MANSC1: variants seen among roughly 807,000 people sequenced by gnomAD.
MANSC1 encodes the protein MANSC domain-containing protein 1.
In MANSC1, 13 loss-of-function variants were observed where a neutral mutation model predicts 14.1. The observed-to-expected ratio is 0.92, with a 90% CI of 0.60 to 1.46. The LOEUF (loss-of-function observed/expected upper bound fraction) is 1.46. Ranked by LOEUF, MANSC1 falls within the 40% of genes most tolerant of loss-of-function variation. The pLI, the probability that MANSC1 is intolerant of heterozygous loss-of-function variation, is 0.00. For missense variants in MANSC1, 486 were observed against 511.4 expected, an observed-to-expected ratio of 0.95 and a Z score of 0.48; for synonymous variants, 227 against 200.7, an observed-to-expected ratio of 1.13 and a Z score of -1.11.
Position 12,330,125 on chromosome 12 carries a change from C to G in MANSC1, c.1198G>C (p.Gly400Arg), listed in dbSNP as rs1361743123. Residue 400 changes from glycine (G) to arginine (R), a missense_variant, in exon 4 of 4, where the codon GGC becomes CGC. Coordinates refer to ENST00000535902, the MANE Select transcript of MANSC1 (RefSeq NM_018050.4). ...LLFGVLFLVI[G>R]LVLLGRILSE... is the part of the protein sequence containing the mutation. The stretch of plus-strand genomic sequence containing the variant: ...AGGATTCTACCCAGGAGGACGAGGC[C>G]TATCACCAGGAACAGGACACCAAAG... 6.2e-7 allele frequency: 1 copy of G among 1,614,012 alleles called. No homozygotes were observed. The highest frequency in any genetic ancestry group is 8.5e-7 in the Non-Finnish European group (1 of 1,180,032).
At position 12,330,693 on chromosome 12, in the gene MANSC1, G is replaced by A; in HGVS notation, c.630C>T (p.Ser210=). 1 of 1,614,216 alleles carries A rather than the reference G, an allele frequency of 6.2e-7. No homozygotes were observed. Among genetic ancestry groups the A allele is most frequent in the South Asian group, 1.1e-5 (1 of 91,090 alleles). Residue 210 remains serine (S), a synonymous_variant, in exon 4 of 4, where the codon TCC becomes TCT. Coordinates refer to ENST00000535902, the MANE Select transcript of MANSC1 (RefSeq NM_018050.4). ...EKGHSQSSQF[S]SDQEIAHLLP... ...GCAGATGAGCTATTTCTTGATCAGA[G>A]GAAAATTGTGAACTCTGAGAATGGC...
At chr12:12,338,890 A>AACAAACACACACAC (rs1555141159) in intron 2 of MANSC1, 1 of 191,076 alleles carries the variant, frequency 5.2e-6, no homozygotes, top group Non-Finnish European at 1.1e-5. Flanking sequence ...CACACACACA[A>AACAAACACACACAC]ACACACACAC....
intron 1 of MANSC1, among the ~76,000 whole-genome samples, chr12:12,349,463 T>C (rs1247588564): frequency 6.6e-6 from 1 of 152,200 alleles, no homozygotes; most frequent in East Asian, 1.9e-4. Flanking sequence ...TCAGCAATAT[T>C]AGGTTAGCGA....
At position 12,326,638 on chromosome 12, in the gene MANSC1, T is replaced by C. The variant is rs1862708299; in HGVS notation, c.*3389A>G. 1.3e-5 allele frequency: 2 copies of C among 151,162 alleles called. No homozygotes were observed. The highest frequency in any genetic ancestry group is 6.6e-5 in the Admixed American group (1 of 15,138). 9.4% of individuals were successfully genotyped at this position (151,162 alleles called of 1,614,324 possible). ...TGTTGTTGTTGTTTTGTTTTTTTTTTTGAGATGGGCTCTCGTTCTGTCGCC... is the reference window on the plus strand; with the variant it reads ...TGTTGTTGTTGTTTTGTTTTTTTTTCTGAGATGGGCTCTCGTTCTGTCGCC... On this transcript the variant is annotated 3_prime_UTR_variant, in exon 4 of 4. Coordinates refer to ENST00000535902, the MANE Select transcript of MANSC1 (RefSeq NM_018050.4).
intron 1 of MANSC1, among the ~76,000 whole-genome samples, chr12:12,345,109 C>G (rs974008073): frequency 6.7e-6 from 1 of 149,336 alleles, no homozygotes; most frequent in African/African-American, 2.5e-5. Flanking sequence ...CACCTGAGGT[C>G]AGGAGTTCGA....
Position 12,343,308 on chromosome 12 carries a change from A to G in MANSC1, c.7T>C (p.Phe3Leu), listed in dbSNP as rs1476639308. 1 of 1,612,838 alleles carries G rather than the reference A, an allele frequency of 6.2e-7. No homozygotes were observed. Among genetic ancestry groups the G allele is most frequent in the East Asian group, 2.2e-5 (1 of 44,868 alleles). Residue 3 changes from phenylalanine to leucine, a missense_variant, in exon 2 of 4, where the codon TTC (phenylalanine) becomes CTC (leucine). Phe to Leu is a conservative substitution (Grantham distance 22, BLOSUM62 0). Coordinates refer to ENST00000535902, the MANE Select transcript of MANSC1 (RefSeq NM_018050.4). MFFGGEGSLTYTL... is the reference protein window; with the variant it reads MFLGGEGSLTYTL... ...TAAGTCAAGCTCCCTTCTCCCCCGAAGAACATTTTAAATTTCAGTTTAGTT... is the reference window on the plus strand; with the variant it reads ...TAAGTCAAGCTCCCTTCTCCCCCGAGGAACATTTTAAATTTCAGTTTAGTT...
chr12:12,333,059 A>ATATATATATATTTTTT (rs536426090), intron 3 of MANSC1, among the ~76,000 whole-genome samples: 36 of 150,922 alleles, frequency 2.4e-4, no homozygotes, highest in African/African-American at 8.0e-4. Context: ...ATATATATAT[A>ATATATATATATTTTTT]TTTTTGAGAC....
At chr12:12,336,565 C>T (rs1251475086) in intron 3 of MANSC1, among the ~76,000 whole-genome samples, 4 of 152,006 alleles carry the variant, frequency 2.6e-5, no homozygotes, top group African/African-American at 9.7e-5. Flanking sequence ...CTCACTTTGT[C>T]ACCCAGGCTA....
Position 12,326,855 on chromosome 12 carries a change from G to C in MANSC1, c.*3172C>G, listed in dbSNP as rs553164081. 2 of 152,104 alleles carry C rather than the reference G, an allele frequency of 1.3e-5. No homozygotes were observed. The highest frequency in any genetic ancestry group is 1.3e-4 in the Admixed American group (2 of 15,248). 9.4% of individuals were successfully genotyped at this position (152,104 alleles called of 1,614,324 possible). On this transcript the variant is annotated 3_prime_UTR_variant, in exon 4 of 4. Coordinates refer to ENST00000535902, the MANE Select transcript of MANSC1 (RefSeq NM_018050.4). ...AGATAGAGTCTTGCTCTGTCGCCTA[G>C]GCTGGAGTGCAATGGAGCGATCTTG...
intron 1 of MANSC1, 36 bp from the exon 2 acceptor site, chr12:12,343,450 T>C (rs573924505): frequency 3.2e-5 from 19 of 600,574 alleles, no homozygotes; most frequent in African/African-American, 1.8e-4. Context: ...ATGAGTTTTG[T>C]TTCTTTAACA....
At position 12,330,590 on chromosome 12, in the gene MANSC1, C is replaced by A. The variant is rs749545557; in HGVS notation, c.733G>T (p.Ala245Ser). ...GAAGCATTGGTGGGTAGAAGGGTGGCGGGCTTTGGAGTAGCCGAGGTGGTA... is the reference window on the plus strand; with the variant it reads ...GAAGCATTGGTGGGTAGAAGGGTGGAGGGCTTTGGAGTAGCCGAGGTGGTA... ...PHTTSATPKP[A>S]TLLPTNASVT... The change falls in exon 4 of 4, where the codon GCC (alanine) becomes TCC (serine). Residue 245 changes from alanine to serine, a missense_variant. By Grantham distance (99) the Ala-to-Ser change is moderately conservative (BLOSUM62 1). Coordinates refer to ENST00000535902, the MANE Select transcript of MANSC1 (RefSeq NM_018050.4). 6.2e-7 allele frequency: 1 copy of A among 1,614,122 alleles called. No homozygotes were observed. Among genetic ancestry groups the A allele is most frequent in the South Asian group, 1.1e-5 (1 of 91,086 alleles).
intron 1 of MANSC1, among the ~76,000 whole-genome samples, chr12:12,347,194 G>C (rs1301806875): frequency 6.6e-6 from 1 of 152,072 alleles, no homozygotes; most frequent in South Asian, 2.1e-4. Flanking sequence ...ACATAATGTA[G>C]AATCAGTGGG....
chr12:12,344,166 G>A (rs1481642535), intron 1 of MANSC1, among the ~76,000 whole-genome samples: 5 of 151,844 alleles, frequency 3.3e-5, no homozygotes, highest in African/African-American at 9.7e-5. Flanking sequence ...GGTAGACATT[G>A]TGCTAAGGAA....
intron 1 of MANSC1, among the ~76,000 whole-genome samples, chr12:12,349,083 A>C (rs1592039833): frequency 6.6e-6 from 1 of 152,366 alleles, no homozygotes; most frequent in East Asian, 1.9e-4. Context: ...GGCAATATTT[A>C]CAGGGGGCAA....
chr12:12,341,261 G>A (rs542780294), intron 2 of MANSC1, among the ~76,000 whole-genome samples: 1 of 152,296 alleles, frequency 6.6e-6, no homozygotes, highest in East Asian at 1.9e-4. Context: ...TACTATTACA[G>A]TTTATAATAA....
chr12:12,338,890 A>AACACACAAACACACACACACACACACAC (rs1862896795), intron 2 of MANSC1: 1 of 191,076 alleles, frequency 5.2e-6, no homozygotes, highest in African/African-American at 2.5e-5. Context: ...CACACACACA[A>AACACACAAACACACACACACACACACAC]ACACACACAC....
chr12:12,339,980 T>A (rs1862913403), intron 2 of MANSC1, among the ~76,000 whole-genome samples: 1 of 152,070 alleles, frequency 6.6e-6, no homozygotes, highest in African/African-American at 2.4e-5. Flanking sequence ...GCCTGGCTAA[T>A]TTTTTGTTTT....
At position 12,338,501 on chromosome 12, in the gene MANSC1, A is replaced by C. The variant is rs1366198294; in HGVS notation, c.283T>G (p.Cys95Gly). 2 of 1,613,610 alleles carry C rather than the reference A, an allele frequency of 1.2e-6. No homozygotes were observed. Among genetic ancestry groups the C allele is most frequent in the Non-Finnish European group, 1.7e-6 (2 of 1,179,850 alleles). Residue 95 changes from cysteine to glycine, a missense_variant, in exon 3 of 4, where the codon TGC becomes GGC. Cys to Gly is a radical substitution (Grantham distance 159). Transcript: ENST00000535902. ...DTRKTARQPN[C>G]YLFFCPNEEA... ...TCGTTGGGACAGAAAAATAGGTAGC[A>C]GTTGGGTTGTCTAGCTGTTTTTCGA... is the stretch of plus-strand genomic sequence containing the variant.
intron 1 of MANSC1, among the ~76,000 whole-genome samples, chr12:12,349,761 G>C (rs989766515): frequency 2.6e-5 from 4 of 152,234 alleles, no homozygotes; most frequent in African/African-American, 9.6e-5. Flanking sequence ...TCAACGACAA[G>C]AAAACAGGGA....
Sources: gnomAD v4.1 joint callset for allele counts (sites outside exome capture counted in the v4.1 genomes callset) on GRCh38, gnomAD v4.1.1 for gene constraint, MANE v1.5 for transcripts, NCBI Gene and HGNC (gene_info 2026-07-23, HGNC 2026-07-21) for gene names.